ZCCHC2: variants seen among roughly 807,000 people sequenced by gnomAD.
ZCCHC2 encodes the protein zinc finger CCHC domain-containing protein 2.
ZCCHC2 carries 39 observed loss-of-function variants against 103.6 expected under a neutral mutation model. The ratio of observed to expected loss-of-function variants is 0.38; its 90% CI spans 0.29 to 0.49. The LOEUF is 0.49. Among genes scored for constraint, ZCCHC2 ranks in the 20% least tolerant of loss-of-function variants. ZCCHC2 has a pLI of 0.96. For missense variants in ZCCHC2, 1,483 were observed against 1,491.0 expected (o/e 0.99, Z 0.09); for synonymous variants, 687 against 608.9 (o/e 1.13, Z -1.89).
At chr18:62,582,074 T>C (rs1917051372), downstream of ZCCHC2, among the ~76,000 whole-genome samples, 1 of 152,308 alleles carries the variant, frequency 6.6e-6, no homozygotes, top group South Asian at 2.1e-4. Context: ...AGTTTCAAGA[T>C]TTGTGGGTAC....
chr18:62,583,018 C>A (rs764684140), downstream of ZCCHC2, among the ~76,000 whole-genome samples: 2 of 152,152 alleles, frequency 1.3e-5, no homozygotes, highest in African/African-American at 4.8e-5. Flanking sequence ...GCAGGAAGAT[C>A]GCTTGAGCCC....
chr18:62,574,836 C>G lies in ZCCHC2; in HGVS notation c.2755C>G (p.Pro919Ala). ...TCAGCCACCAGCTTCCTACCCCTTA[C>G]CAGGCTCTCCCCTTGCTGCCGGCGT... ...AAQPPASYPL[P>A]GSPLAAGVLP... Residue 919 changes from proline to alanine, a missense_variant, in exon 13 of 14, where the codon CCA (proline) becomes GCA (alanine). Around this residue, in one of 3 missense-constraint regions of ZCCHC2, gnomAD observed 884 missense variants for 907.5 expected, o/e 0.97. Coordinates refer to ENST00000269499, the MANE Select transcript of ZCCHC2 (RefSeq NM_017742.6). 4 of 1,613,978 alleles carry G rather than the reference C, an allele frequency of 2.5e-6. No individual in the cohort carries two copies. Among genetic ancestry groups the G allele is most frequent in the Non-Finnish European group, 2.5e-6 (3 of 1,179,900 alleles).
In ZCCHC2 at chr18:62,575,344, C is replaced by T. The variant is rs1265823429; in HGVS notation, c.3263C>T (p.Pro1088Leu). 1.2e-6 allele frequency: 2 copies of T among 1,613,918 alleles called. No individual in the cohort carries two copies. Among genetic ancestry groups the T allele is most frequent in the Admixed American group, 1.7e-5 (1 of 60,020 alleles). ...TATGCAAATGGACTGGTACATGACC[C>T]AGTCATGGGGAGCCAAGCCAACTAT... is the stretch of plus-strand genomic sequence containing the variant. ...TPYANGLVHDPVMGSQANYGM... is the reference protein window; with the variant it reads ...TPYANGLVHDLVMGSQANYGM... Residue 1088 changes from proline to leucine, a missense_variant, in exon 13 of 14, where the codon CCA becomes CTA. This residue lies in a region of ZCCHC2 where 884 missense variants were observed against 907.5 expected (regional missense o/e 0.97). Transcript: ENST00000269499.
At chr18:62,534,071 G>T (rs1914815648) in intron 1 of ZCCHC2, among the ~76,000 whole-genome samples, 1 of 150,434 alleles carries the variant, frequency 6.6e-6, no homozygotes, top group African/African-American at 2.5e-5. Flanking sequence ...TCAATGGGTG[G>T]ATGCTGACTG....
intron 7 of ZCCHC2, among the ~76,000 whole-genome samples, chr18:62,560,162 C>T (rs1443932663): frequency 6.6e-6 from 1 of 152,154 alleles, no homozygotes; most frequent in African/African-American, 2.4e-5. Flanking sequence ...TTCAGTCATT[C>T]CTGTGATATT....
intron 1 of ZCCHC2, chr18:62,526,788 C>T (rs1328605037): frequency 2.6e-5 from 4 of 151,950 alleles, no homozygotes; most frequent in Admixed American, 1.3e-4. Context: ...CGCGGGGCTC[C>T]TCCCCGCCCC....
rs1916900474 is a variant in ZCCHC2, at chr18:62,577,595, A to G, written c.*1016A>G. ...GAGCTATGGGTTTCTACCATAAGTC[A>G]GGTTGTTTGTTCCCTAACCTGTCTC... On this transcript the variant is annotated 3_prime_UTR_variant, in exon 14 of 14. Coordinates refer to ENST00000269499, the MANE Select transcript of ZCCHC2 (RefSeq NM_017742.6). The G allele has an allele frequency of 6.6e-6, 1 of 152,630 alleles. No homozygotes were observed. 9.5% of individuals were successfully genotyped at this position (152,630 alleles called of 1,614,324 possible).
intron 1 of ZCCHC2, among the ~76,000 whole-genome samples, chr18:62,535,621 G>GC (rs1817881416): frequency 1.3e-5 from 2 of 152,166 alleles, no homozygotes; most frequent in Non-Finnish European, 2.9e-5. Flanking sequence ...CAGGAGAAGT[G>GC]CATGTCTCAT....
rs533620607 is a variant in ZCCHC2 at position 62,549,091 on chromosome 18, T to C, written c.1201-1257T>C. ...AAAATTAGCTGGGGGAGGGGGCGGG[T>C]GCGTGTAGTCCCAGCTACTCGGGAG... On this transcript the variant is annotated intron_variant, in intron 4 of 13. Transcript: ENST00000269499. Among the ~76,000 whole-genome samples the C allele has an allele frequency of 2.3e-3, 342 of 150,034 alleles. 7 individuals carry two copies. The highest frequency in any genetic ancestry group is 2.0e-3 in the East Asian group (10 of 5,066).
At position 62,574,347 on chromosome 18, in the gene ZCCHC2, G is replaced by C; in HGVS notation, c.2266G>C (p.Val756Leu). 4 of 1,614,022 alleles carry C rather than the reference G, an allele frequency of 2.5e-6. No individual in the cohort carries two copies. Among genetic ancestry groups the C allele is most frequent in the Non-Finnish European group, 3.4e-6 (4 of 1,179,904 alleles). The change falls in exon 13 of 14, where the codon GTT becomes CTT. Residue 756 changes from valine (V) to leucine (L), a missense_variant. Val to Leu is a conservative substitution (Grantham distance 32). Transcript: ENST00000269499. Reference protein sequence around the residue: ...KTIGMLVPSPVAISAIRESAN... With the variant: ...KTIGMLVPSPLAISAIRESAN... ...CATAGGGATGCTTGTTCCTAGTCCT[G>C]TTGCTATTTCTGCAATAAGGGAGTC...
intron 5 of ZCCHC2, among the ~76,000 whole-genome samples, chr18:62,554,470 C>T (rs1915797097): frequency 6.6e-6 from 1 of 152,152 alleles, no homozygotes; most frequent in African/African-American, 2.4e-5. Context: ...TAGTTTATGG[C>T]CACTTTGATT....
At position 62,523,787 on chromosome 18, in the gene ZCCHC2, G is replaced by C. The variant is rs753184953; in HGVS notation, c.363G>C (p.Leu121=). 1,168 of 1,540,406 alleles carry C rather than the reference G, an allele frequency of 7.6e-4. 2 individuals are homozygous for C. The highest frequency in any genetic ancestry group is 1.2e-3 in the Middle Eastern group (6 of 5,076). ...AGTTCATGTGCGGGCTGCTGGACCT[G>C]TGCAACCCGCTGGAGCTGCGCTTCC... ...RLEFMCGLLD[L]CNPLELRFLG... is the part of the protein sequence containing the mutation. The change falls in exon 1 of 14, where the codon CTG becomes CTC. Residue 121 remains leucine, a synonymous_variant. Transcript: ENST00000269499.
rs949827502 is a variant in ZCCHC2, at chr18:62,578,434, G to A, written c.*1855G>A. On this transcript the variant is annotated 3_prime_UTR_variant, in exon 14 of 14. Transcript: ENST00000269499. ...ATACTGTACTGTACATAGGAGGTAT[G>A]TTACCTTCTCCTTATTTGTATGTTT... is the stretch of plus-strand genomic sequence containing the variant. 6.6e-6 allele frequency: 1 copy of A among 152,518 alleles called. No individual in the cohort carries two copies. The highest frequency in any genetic ancestry group is 1.5e-5 in the Non-Finnish European group (1 of 68,018). The allele number at this position is 152,518 out of a possible 1,614,324, so 9.4% of individuals were successfully genotyped here.
At chr18:62,539,916 A>C in intron 2 of ZCCHC2, 124 bp downstream of exon 2, 1 of 750,024 alleles carries the variant, frequency 1.3e-6, no homozygotes, top group Non-Finnish European at 2.2e-6. Context: ...TACTGGTCCT[A>C]GGCTTCACTC....
At chr18:62,531,165 A>G (rs1914657028) in intron 1 of ZCCHC2, among the ~76,000 whole-genome samples, 1 of 152,146 alleles carries the variant, frequency 6.6e-6, no homozygotes. Flanking sequence ...GTGTGACAGT[A>G]CTTCTTTTAC....
intron 7 of ZCCHC2, among the ~76,000 whole-genome samples, chr18:62,559,379 G>A (rs963208724): frequency 4.6e-5 from 7 of 152,238 alleles, no homozygotes; most frequent in African/African-American, 1.7e-4. Context: ...GAGGAAACCT[G>A]AACAGCTATT....
chr18:62,576,751 C>A lies in ZCCHC2; in HGVS notation c.*172C>A. 1.7e-6 allele frequency: 1 copy of A among 594,490 alleles called. No individual in the cohort carries two copies. Among genetic ancestry groups the A allele is most frequent in the East Asian group, 3.0e-5 (1 of 33,298 alleles). 36.8% of individuals were successfully genotyped at this position (594,490 alleles called of 1,614,324 possible). On this transcript the variant is annotated 3_prime_UTR_variant, in exon 14 of 14. Transcript: ENST00000269499. ...GTCCAAAACAAGAAAGAATGCAATG[C>A]TTTTGAGCCTCTGGTCTCCTGGTTC...
intron 1 of ZCCHC2, among the ~76,000 whole-genome samples, chr18:62,534,143 AC>A (rs1914820331): frequency 6.6e-6 from 1 of 151,810 alleles, no homozygotes; most frequent in South Asian, 2.1e-4. Flanking sequence ...ACATACCAAG[AC>A]CCCATCTCTA....
At chr18:62,556,996 T>A (rs1335623897) in intron 6 of ZCCHC2, among the ~76,000 whole-genome samples, 4 of 152,232 alleles carry the variant, frequency 2.6e-5, no homozygotes, top group Non-Finnish European at 1.5e-5. Flanking sequence ...CATGCCCAGC[T>A]GTTGCCTGCC....
Sources: gnomAD v4.1 joint callset for allele counts (sites outside exome capture counted in the v4.1 genomes callset) on GRCh38, gnomAD v4.1.1 for gene constraint, gnomAD v4.1.1 regional missense constraint, MANE v1.5 for transcripts, NCBI Gene and HGNC (gene_info 2026-07-23, HGNC 2026-07-21) for gene names.